Variants in SEL1L3 observed in about 807,000 individuals in gnomAD.
SEL1L3 encodes the protein SEL1L family member 3.
Under a neutral mutation model 142.8 loss-of-function variants are expected in SEL1L3, and 76 were observed. That is an observed-to-expected ratio of 0.53 (90% confidence interval 0.44 to 0.64). SEL1L3 has a LOEUF of 0.64. SEL1L3 is among the 30% of genes least tolerant of loss of function. The probability of loss-of-function intolerance (pLI) is 0.00; values close to 1 mark genes in which losing one functional copy is unlikely to be tolerated. For synonymous variants in SEL1L3, 504 were observed against 519.6 expected (o/e 0.97, Z 0.41); for missense variants, 1,262 against 1,381.7 (o/e 0.91, Z 1.37).
chr4:25,791,719 G>A (rs1056019351), intron 11 of SEL1L3, among the ~76,000 whole-genome samples: 4 of 152,148 alleles, frequency 2.6e-5, no homozygotes, highest in African/African-American at 9.7e-5. Flanking sequence ...TTCAAGACCA[G>A]CCTGGCCAAT....
intron 6 of SEL1L3, among the ~76,000 whole-genome samples, chr4:25,829,512 G>C (rs1053594251): frequency 8.5e-5 from 13 of 152,104 alleles, no homozygotes; most frequent in Non-Finnish European, 5.9e-5. Flanking sequence ...GTTGCCCCAT[G>C]GTTCTGACAC....
chr4:25,782,527 T>C (rs1720074907), intron 14 of SEL1L3, 109 bp from the exon 15 acceptor site: 2 of 927,690 alleles, frequency 2.2e-6, no homozygotes, highest in Non-Finnish European at 3.2e-6. Context: ...AAACCTTCCC[T>C]TTCTCTTATT....
intron 7 of SEL1L3, among the ~76,000 whole-genome samples, chr4:25,820,933 T>C (rs1394661335): frequency 6.6e-6 from 1 of 152,168 alleles, no homozygotes; most frequent in African/African-American, 2.4e-5. Context: ...GGGTTTCACC[T>C]TGTTGGCTGG....
chr4:25,729,589 C>T, the SEL1L3 span, among the ~76,000 whole-genome samples: 1 of 152,146 alleles, frequency 6.6e-6, no homozygotes, highest in African/African-American at 2.4e-5. Context: ...TGGCACATGC[C>T]TGTAATTCCA....
In SEL1L3 at chr4:25,862,971, CCCG is replaced by C. The variant is rs1227690101; in HGVS notation, c.-138_-136del. On this transcript the variant is annotated 5_prime_UTR_variant, in exon 1 of 24. Transcript: ENST00000399878. ...GGGGCCACCTGCCGCCACCTCCGGA[CCCG>C]CCGCCGCCGCCACTGCCGCTCCCGC... The C allele has an allele frequency of 4.3e-4, 215 of 496,788 alleles. No homozygotes were observed. Among genetic ancestry groups the C allele is most frequent in the Non-Finnish European group, 5.0e-4 (193 of 387,250 alleles). The allele number at this position is 496,788 out of a possible 1,614,324, so 30.8% of individuals were successfully genotyped here. A position where few individuals can be genotyped will look rare whatever the true frequency, so the allele number is the denominator to read the frequency against.
At chr4:25,750,234 CAAAAAAAAAAAAA>C (rs10718046) in intron 23 of SEL1L3, among the ~76,000 whole-genome samples, 31,109 of 105,804 alleles carry the variant, frequency 0.29, 3,719 homozygotes, top group Middle Eastern at 0.38. Context: ...GACTCCATCT[CAAAAAAAAAAAAA>C]AAAAAAAAGA....
chr4:25,743,218 G>A (rs1191710302), downstream of SEL1L3, among the ~76,000 whole-genome samples: 1 of 152,112 alleles, frequency 6.6e-6, no homozygotes, highest in African/African-American at 2.4e-5. Context: ...TACAATGTTA[G>A]CAATTAATTG....
chr4:25,847,227 C>T, intron 2 of SEL1L3, 67 bp downstream of exon 2: 1 of 1,318,752 alleles, frequency 7.6e-7, no homozygotes, highest in African/African-American at 1.5e-5. Context: ...TTTCTCTTGC[C>T]ATTCGATCAT....
chr4:25,861,828 A>G (rs1481389901), intron 1 of SEL1L3: 2 of 152,214 alleles, frequency 1.3e-5, no homozygotes, highest in Non-Finnish European at 2.9e-5. Flanking sequence ...AACTCAAAAC[A>G]GAAGCAAGCA....
In SEL1L3 at chr4:25,822,059, A is replaced by T. The variant is rs540878310; in HGVS notation, c.1227T>A (p.Ala409=). 4.3e-6 allele frequency: 7 copies of T among 1,614,012 alleles called. No homozygotes were observed. In the African/African-American group the frequency reaches 9.3e-5, roughly 22 times the overall value. ...YFIIGGSRYV[A]GIEGFFGPLK... is the part of the protein sequence containing the mutation. Reference sequence around the variant, plus strand: ...GGGGTCCAAAAAACCCTTCAATGCCAGCCACATACCTGCTCCCTCCAATAA... The same window carrying T: ...GGGGTCCAAAAAACCCTTCAATGCCTGCCACATACCTGCTCCCTCCAATAA... Residue 409 remains alanine (A), a synonymous_variant, in exon 7 of 24, where the codon GCT becomes GCA. Coordinates refer to ENST00000399878, the MANE Select transcript of SEL1L3 (RefSeq NM_015187.5).
chr4:25,748,961 C>T (rs886797486), intron 23 of SEL1L3, among the ~76,000 whole-genome samples: 6 of 152,042 alleles, frequency 3.9e-5, no homozygotes, highest in Admixed American at 3.3e-4. Flanking sequence ...TGGGGAGGGG[C>T]AGGATGTTGT....
the SEL1L3 span, chr4:25,719,983 T>C: frequency 1.3e-5 from 2 of 152,188 alleles, no homozygotes; most frequent in Admixed American, 1.3e-4. Context: ...ATACTCCTAG[T>C]AGTGATATGG....
At chr4:25,814,032 C>T (rs73115747) in intron 9 of SEL1L3, among the ~76,000 whole-genome samples, 3,491 of 152,242 alleles carry the variant, frequency 0.023, 124 homozygotes, top group African/African-American at 0.079. Flanking sequence ...AGGTCTGAAA[C>T]GTGCATATGT....
intron 7 of SEL1L3, 127 bp from the exon 8 acceptor site, chr4:25,820,067 A>G (rs971166505): frequency 1.2e-6 from 1 of 803,324 alleles, no homozygotes; most frequent in African/African-American, 1.8e-5. Context: ...TTGTACACAT[A>G]TCATCCACTC....
intron 18 of SEL1L3, 26 bp downstream of exon 18, chr4:25,767,714 A>G (rs1048833203): frequency 1.3e-6 from 2 of 1,493,810 alleles, no homozygotes; most frequent in South Asian, 2.4e-5. Context: ...CAGAGCTTCT[A>G]CTCTGAGAAG....
intron 23 of SEL1L3, among the ~76,000 whole-genome samples, chr4:25,750,355 A>G (rs1022706500): frequency 6.6e-6 from 1 of 152,136 alleles, no homozygotes; most frequent in African/African-American, 2.4e-5. Context: ...AATATTTATT[A>G]TCTGGTCCTT....
Position 25,822,098 on chromosome 4 carries a change from T to G in SEL1L3, c.1188A>C (p.Thr396=). 1 of 1,613,948 alleles carries G rather than the reference T, an allele frequency of 6.2e-7. No homozygotes were observed. Among genetic ancestry groups the G allele is most frequent in the Non-Finnish European group, 8.5e-7 (1 of 1,179,846 alleles). The change falls in exon 7 of 24, where the codon ACA becomes ACC. Residue 396 remains threonine (T), a synonymous_variant. Coordinates refer to ENST00000399878, the MANE Select transcript of SEL1L3 (RefSeq NM_015187.5). Reference sequence around the variant, plus strand: ...TCCCTCCAATAATGAAGTACCCAGCTGTGTCATTATAATGGAAATCCTCCC... The same window carrying G: ...TCCCTCCAATAATGAAGTACCCAGCGGTGTCATTATAATGGAAATCCTCCC... The part of the protein sequence containing the change: ...SFREDFHYND[T]AGYFIIGGSR...
Position 25,748,433 on chromosome 4 carries a change from G to C in SEL1L3, c.3391C>G (p.Arg1131Gly). The part of the protein sequence containing the change: ...QPTVTNNPEP[R>G]G The stretch of plus-strand genomic sequence containing the variant: ...GAACTGGAGTGCACAGTTCACCCAC[G>C]TGGCTCCGGGTTATTAGTTACTGTG... Residue 1131 changes from arginine (R) to glycine (G), a missense_variant, in exon 24 of 24, where the codon CGT becomes GGT. Transcript: ENST00000399878. The C allele has an allele frequency of 6.2e-7, 1 of 1,609,172 alleles. No individual in the cohort carries two copies. The highest frequency in any genetic ancestry group is 8.5e-7 in the Non-Finnish European group (1 of 1,177,996).
At chr4:25,728,698 G>A in the SEL1L3 span, among the ~76,000 whole-genome samples, 3 of 152,066 alleles carry the variant, frequency 2.0e-5, no homozygotes, top group East Asian at 1.9e-4. Context: ...AGGCTGAAGC[G>A]GGAGGATCAC....
Sources: allele counts gnomAD v4.1 joint callset (sites outside exome capture counted in the v4.1 genomes callset), GRCh38; gene constraint gnomAD v4.1.1; transcripts MANE v1.5; gene names NCBI Gene and HGNC (gene_info 2026-07-23, HGNC 2026-07-21).